ZNF521: variants seen among roughly 807,000 people sequenced by gnomAD.
ZNF521 encodes the protein LYST-interacting protein 3.
A neutral mutation model predicts 105.5 loss-of-function variants in ZNF521; 14 were observed. The ratio of observed to expected loss-of-function variants is 0.13; its 90% CI spans 0.09 to 0.21. The LOEUF is 0.21. ZNF521 is among the 10% of genes least tolerant of loss of function. The pLI is 1.00. For synonymous variants in ZNF521, 635 were observed against 606.0 expected (o/e 1.05, Z -0.70); for missense variants, 1,233 against 1,629.7 (o/e 0.76, Z 4.19).
At chr18:25,283,375 G>A (rs529484426) in intron 3 of ZNF521, among the ~76,000 whole-genome samples, 1 of 152,178 alleles carries the variant, frequency 6.6e-6, no homozygotes, top group African/African-American at 2.4e-5. Context: ...GTCAAAATCA[G>A]AGCCTAATTC....
chr18:25,078,055 G>A (rs1297853336), intron 7 of ZNF521, among the ~76,000 whole-genome samples: 3 of 152,184 alleles, frequency 2.0e-5, no homozygotes, highest in African/African-American at 2.4e-5. Flanking sequence ...GTGGTTTAAA[G>A]CTCACTTCAG....
intron 5 of ZNF521, among the ~76,000 whole-genome samples, chr18:25,127,613 A>G (rs2144378399): frequency 6.6e-6 from 1 of 152,180 alleles, no homozygotes; most frequent in South Asian, 2.1e-4. Context: ...GCCAACAAAT[A>G]TGAATTTATA....
Position 25,243,056 on chromosome 18 carries a change from G to T in ZNF521, c.221-15359C>A, listed in dbSNP as rs140176423. On this transcript the variant is annotated intron_variant, in intron 3 of 7. Coordinates refer to ENST00000361524, the MANE Select transcript of ZNF521 (RefSeq NM_015461.3). ...ACTCCCAACTTCTATTCCCAAGTCT[G>T]CCTTTCTCAACAGAGTTTGCAGTGA... Among the ~76,000 whole-genome samples, 168 of 152,254 alleles carry T rather than the reference G, an allele frequency of 1.1e-3. 1 individual carries two copies. In the East Asian group the frequency reaches 0.03, roughly 27 times the overall value.
chr18:25,223,751 T>C (rs1905895569), intron 4 of ZNF521, among the ~76,000 whole-genome samples: 1 of 151,660 alleles, frequency 6.6e-6, no homozygotes, highest in Non-Finnish European at 1.5e-5. Context: ...AACTCAGGGA[T>C]AGTGTCTTTA....
At chr18:25,306,477 G>T (rs779523227) in intron 3 of ZNF521, among the ~76,000 whole-genome samples, 12 of 152,098 alleles carry the variant, frequency 7.9e-5, no homozygotes, top group South Asian at 4.1e-4. Context: ...TTTCAAAAAG[G>T]AAAGAAAACC....
intron 2 of ZNF521, among the ~76,000 whole-genome samples, chr18:25,332,270 A>T (rs1328102874): frequency 6.6e-6 from 1 of 151,586 alleles, no homozygotes; most frequent in Admixed American, 6.6e-5. Flanking sequence ...TAACATGATG[A>T]CTCAGGAAAA....
intron 2 of ZNF521, among the ~76,000 whole-genome samples, chr18:25,324,026 G>C (rs1172712388): frequency 6.6e-6 from 1 of 152,048 alleles, no homozygotes; most frequent in Non-Finnish European, 1.5e-5. Context: ...AATTTGGGCT[G>C]ATTTGCCATC....
At chr18:25,143,035 T>A (rs955897147) in intron 5 of ZNF521, among the ~76,000 whole-genome samples, 1 of 152,152 alleles carries the variant, frequency 6.6e-6, no homozygotes, top group Non-Finnish European at 1.5e-5. Flanking sequence ...ATACTTGGCA[T>A]TGACCTTCCC....
chr18:25,213,354 G>T lies in ZNF521; in HGVS notation c.3573+10991C>A, dbSNP rs1417568610. 9.9e-5 allele frequency among the ~76,000 whole-genome samples: 15 copies of T among 151,256 alleles called. No homozygotes were observed. The East Asian group carries it at 2.3e-3, about 23-fold the overall frequency. ...TATTCTTAGTTTAGTGTTCTTTTTT[G>T]ATCATGAAAATATGTTAAATACAGT... is the stretch of plus-strand genomic sequence containing the variant. On this transcript the variant is annotated intron_variant, in intron 4 of 7. Transcript: ENST00000361524.
At chr18:25,095,337 A>G (rs1406866607) in intron 5 of ZNF521, among the ~76,000 whole-genome samples, 2 of 152,132 alleles carry the variant, frequency 1.3e-5, no homozygotes, top group Non-Finnish European at 2.9e-5. Context: ...AAAATAACCA[A>G]TTCTGCTCTC....
intron 5 of ZNF521, among the ~76,000 whole-genome samples, chr18:25,120,602 A>AAAAAC (rs1567970614): frequency 2.0e-4 from 28 of 140,056 alleles, no homozygotes; most frequent in African/African-American, 7.1e-4. Context: ...AAAAAAAAAA[A>AAAAAC]CCACAAACAA....
At chr18:25,129,008 A>T (rs1430527268) in intron 5 of ZNF521, among the ~76,000 whole-genome samples, 1 of 151,906 alleles carries the variant, frequency 6.6e-6, no homozygotes, top group Non-Finnish European at 1.5e-5. Flanking sequence ...GATACTGAAG[A>T]AGAGCAAAAT....
rs112698467 is a variant in ZNF521, at chr18:25,297,142, C to CACACACAT, written c.220+24865_220+24866insATGTGTGT. 7.8e-3 allele frequency among the ~76,000 whole-genome samples: 1,148 copies of CACACACAT among 146,306 alleles called. 40 individuals are homozygous for CACACACAT. The East Asian group carries it at 0.12, about 15-fold the overall frequency. On this transcript the variant is annotated intron_variant, in intron 3 of 7. Coordinates refer to ENST00000361524, the MANE Select transcript of ZNF521 (RefSeq NM_015461.3). ...CCCTTTATACACACACACACACACA[C>CACACACAT]ATATATATATATACTGAATTAAAAT... is the stretch of plus-strand genomic sequence containing the variant.
chr18:25,327,579 T>C, intron 2 of ZNF521: 1 of 603,252 alleles, frequency 1.7e-6, no homozygotes, highest in Non-Finnish European at 2.9e-6. Flanking sequence ...AAAGTTACCT[T>C]CAGGCTACAA....
At chr18:25,340,243 T>A (rs779344682) in intron 2 of ZNF521, among the ~76,000 whole-genome samples, 29 of 151,980 alleles carry the variant, frequency 1.9e-4, no homozygotes, top group Non-Finnish European at 3.4e-4. Flanking sequence ...TACTCTCAGC[T>A]ACTAGGGAGG....
At chr18:25,158,677 G>A (rs572153178) in intron 5 of ZNF521, among the ~76,000 whole-genome samples, 22 of 152,138 alleles carry the variant, frequency 1.4e-4, no homozygotes, top group African/African-American at 4.1e-4. Context: ...AATACCAGCC[G>A]GGTGTGGTGG....
chr18:25,286,645 AT>A (rs1285629995), intron 3 of ZNF521, among the ~76,000 whole-genome samples: 1 of 152,258 alleles, frequency 6.6e-6, no homozygotes, highest in South Asian at 2.1e-4. Flanking sequence ...GATATTAAAA[AT>A]AATCTCTATT....
chr18:25,197,817 C>A (rs182408587), intron 4 of ZNF521, among the ~76,000 whole-genome samples: 3 of 151,864 alleles, frequency 2.0e-5, no homozygotes, highest in Admixed American at 2.0e-4. Context: ...GTAAGAAATA[C>A]TTGGAATTAC....
intron 5 of ZNF521, chr18:25,136,639 T>G (rs1402509772): frequency 6.6e-6 from 1 of 152,256 alleles, no homozygotes; most frequent in Non-Finnish European, 1.5e-5. Flanking sequence ...GATTCCTGAC[T>G]CCAGGGACAC....
Sources: gnomAD v4.1 joint callset for allele counts (sites outside exome capture counted in the v4.1 genomes callset) on GRCh38, gnomAD v4.1.1 for gene constraint, MANE v1.5 for transcripts, NCBI Gene and HGNC (gene_info 2026-07-23, HGNC 2026-07-21) for gene names.